Variants in SPTA1 observed in about 807,000 individuals in gnomAD.
SPTA1 encodes spectrin alpha, erythrocytic 1.
SPTA1 carries 177 observed loss-of-function variants against 324.7 expected under a neutral mutation model. The ratio of observed to expected loss-of-function variants is 0.55; its 90% CI spans 0.48 to 0.62. The LOEUF is 0.62. Ranked by LOEUF, SPTA1 falls within the 20% of genes least tolerant of loss-of-function variation. The probability of loss-of-function intolerance (pLI) is 0.00; values close to 1 mark genes in which losing one functional copy is unlikely to be tolerated. For synonymous variants in SPTA1, 1,195 were observed against 1,041.3 expected (o/e 1.15, Z -2.84); for missense variants, 3,162 against 2,883.6 (o/e 1.10, Z -2.21).
intron 10 of SPTA1, 93 bp downstream of exon 10, chr1:158,674,236 C>T (rs2101923128): frequency 1.6e-6 from 2 of 1,286,458 alleles, no homozygotes. Context: ...GACTTCTATT[C>T]TTTTCCCATT....
chr1:158,642,375 G>C (rs946479376), intron 33 of SPTA1, 36 bp downstream of exon 33: 1 of 1,606,780 alleles, frequency 6.2e-7, no homozygotes, highest in Non-Finnish European at 8.5e-7. Flanking sequence ...TCCTCTTCAT[G>C]TGACTTTGTA....
rs1443490977 is a variant in SPTA1, at chr1:158,672,139, G to A, written c.1408C>T (p.Arg470Cys). 11 of 1,613,912 alleles carry A rather than the reference G, an allele frequency of 6.8e-6. No homozygotes were observed. Among genetic ancestry groups the A allele is most frequent in the East Asian group, 2.2e-5 (1 of 44,884 alleles). The part of the protein sequence containing the change: ...ALLELWDERH[R>C]QYEQCLDFHL... ...AAGTCCAAGCACTGCTCATACTGAC[G>A]ATGACGCTCGTCCCACAGTTCCAGC... Residue 470 changes from arginine to cysteine, a missense_variant, in exon 11 of 52, where the codon CGT becomes TGT. By Grantham distance (180) the Arg-to-Cys change is radical (BLOSUM62 -3). Coordinates refer to ENST00000643759, the MANE Select transcript of SPTA1 (RefSeq NM_003126.4).
At chr1:158,616,364 A>G (rs1246549032) in intron 47 of SPTA1, among the ~76,000 whole-genome samples, 2 of 152,108 alleles carry the variant, frequency 1.3e-5, no homozygotes, top group African/African-American at 4.8e-5. Context: ...ATCAAACTGT[A>G]TATTTATACC....
chr1:158,631,300 G>A (rs1235332372), intron 39 of SPTA1, among the ~76,000 whole-genome samples: 1 of 152,158 alleles, frequency 6.6e-6, no homozygotes, highest in African/African-American at 2.4e-5. Flanking sequence ...AAATAATGGC[G>A]TTTGCAGCGA....
intron 2 of SPTA1, among the ~76,000 whole-genome samples, chr1:158,683,814 G>C (rs1019877038): frequency 6.7e-6 from 1 of 149,208 alleles, no homozygotes; most frequent in Non-Finnish European, 1.5e-5. Context: ...AGAGCACAAT[G>C]AGAAAGATGA....
Position 158,620,128 on chromosome 1 carries a change from T to C in SPTA1, c.6417+42A>G, listed in dbSNP as rs374395075. On this transcript the variant is annotated intron_variant, in intron 44 of 51. Coordinates refer to ENST00000643759, the MANE Select transcript of SPTA1 (RefSeq NM_003126.4). ...TTACTTGGATAATAAAGTGGTTATG[T>C]TCACTGTAGTGAAAGGAAGTTTCTG... The C allele has an allele frequency of 3.1e-6, 5 of 1,611,774 alleles. No individual in the cohort carries two copies. The African/African-American group carries it at 5.3e-5, about 17-fold the overall frequency.
In SPTA1 at chr1:158,612,905, T is replaced by G; in HGVS notation, c.7046A>C (p.Glu2349Ala). 1.2e-6 allele frequency: 2 copies of G among 1,613,978 alleles called. No individual in the cohort carries two copies. The highest frequency in any genetic ancestry group is 1.7e-6 in the Non-Finnish European group (2 of 1,179,904). The change falls in exon 51 of 52, where the codon GAA (glutamate) becomes GCA (alanine). Residue 2349 changes from glutamate (E) to alanine (A), a missense_variant. Coordinates refer to ENST00000643759, the MANE Select transcript of SPTA1 (RefSeq NM_003126.4). ...YTAFLIDKES[E>A]NIKSSDEIEN... is the part of the protein sequence containing the mutation. Reference sequence around the variant, plus strand: ...TATTTCATCACTGGACTTGATGTTTTCTGACTCCTTGTCAATCAGGAAAGC... The same window carrying G: ...TATTTCATCACTGGACTTGATGTTTGCTGACTCCTTGTCAATCAGGAAAGC...
At position 158,653,366 on chromosome 1, in the gene SPTA1, T is replaced by A; in HGVS notation, c.3096A>T (p.Arg1032Ser). Reference sequence around the variant, plus strand: ...TCGGGAACTCATCGTGGGCCAGTCTTCTGACATAGACAGCTGGGACAATGC... The same window carrying A: ...TCGGGAACTCATCGTGGGCCAGTCTACTGACATAGACAGCTGGGACAATGC... ...HQGIVPAVYV[R>S]RLAHDEFPML... is the part of the protein sequence containing the mutation. Residue 1032 changes from arginine to serine, a missense_variant, in exon 22 of 52, where the codon AGA becomes AGT. Arg to Ser is a moderately radical substitution (Grantham distance 110). Coordinates refer to ENST00000643759, the MANE Select transcript of SPTA1 (RefSeq NM_003126.4). 6.2e-7 allele frequency: 1 copy of A among 1,614,114 alleles called. No individual in the cohort carries two copies. The highest frequency in any genetic ancestry group is 1.1e-5 in the South Asian group (1 of 91,062).
At chr1:158,667,299 A>C (rs926011089) in intron 15 of SPTA1, among the ~76,000 whole-genome samples, 1 of 152,212 alleles carries the variant, frequency 6.6e-6, no homozygotes, top group African/African-American at 2.4e-5. Context: ...AATTTTCCAA[A>C]GTAAAGGGTA....
Position 158,644,245 on chromosome 1 carries a change from A to C in SPTA1, c.4338+8T>G. The C allele has an allele frequency of 6.2e-7, 1 of 1,613,656 alleles. No individual in the cohort carries two copies. The highest frequency in any genetic ancestry group is 8.5e-7 in the Non-Finnish European group (1 of 1,179,802). On this transcript the variant is annotated splice_region_variant and intron_variant, in intron 30 of 51. Transcript: ENST00000643759. Reference sequence around the variant, plus strand: ...TATTATTTTAATTCCTTTACTAGTCATTATTACCTGGGCAGTGATTGCTTT... The same window carrying C: ...TATTATTTTAATTCCTTTACTAGTCCTTATTACCTGGGCAGTGATTGCTTT...
In SPTA1 at chr1:158,617,953, A is replaced by G. The variant is rs1452822534; in HGVS notation, c.6548+86T>C. 6 of 1,287,646 alleles carry G rather than the reference A, an allele frequency of 4.7e-6. No homozygotes were observed. In the Admixed American group the frequency reaches 8.5e-5, roughly 18 times the overall value. 79.8% of individuals were successfully genotyped at this position (1,287,646 alleles called of 1,614,324 possible). ...CATACTACCAGATTACAATGGAATGAAAATGTCTCAGCACTAACTCTTTCT... is the reference window on the plus strand; with the variant it reads ...CATACTACCAGATTACAATGGAATGGAAATGTCTCAGCACTAACTCTTTCT... On this transcript the variant is annotated intron_variant, in intron 46 of 51. Coordinates refer to ENST00000643759, the MANE Select transcript of SPTA1 (RefSeq NM_003126.4).
At chr1:158,666,927 G>A (rs983113587) in intron 15 of SPTA1, among the ~76,000 whole-genome samples, 4 of 152,086 alleles carry the variant, frequency 2.6e-5, no homozygotes, top group Non-Finnish European at 4.4e-5. Flanking sequence ...ACTGAACTTC[G>A]CTTTCCCCCC....
intron 47 of SPTA1, among the ~76,000 whole-genome samples, chr1:158,615,979 C>T (rs1571372242): frequency 2.0e-5 from 3 of 152,240 alleles, no homozygotes; most frequent in South Asian, 2.1e-4. Flanking sequence ...CCCATGCTTT[C>T]TCAGTGAGGG....
chr1:158,623,773 G>C (rs1225092424), intron 42 of SPTA1, among the ~76,000 whole-genome samples: 4 of 152,210 alleles, frequency 2.6e-5, no homozygotes, highest in Admixed American at 2.6e-4. Context: ...TTAGCAGTGT[G>C]AGAACAGACT....
intron 32 of SPTA1, 44 bp from the exon 33 acceptor site, chr1:158,642,586 T>C (rs1651686953): frequency 1.2e-6 from 2 of 1,610,086 alleles, no homozygotes; most frequent in Non-Finnish European, 1.7e-6. Context: ...TTTTTATTTA[T>C]GGTGACAAGA....
chr1:158,672,921 A>T (rs1654126307), intron 10 of SPTA1, among the ~76,000 whole-genome samples: 2 of 149,668 alleles, frequency 1.3e-5, no homozygotes, highest in Admixed American at 1.3e-4. Flanking sequence ...ACACGGTGAA[A>T]CCCGGTTTCT....
intron 25 of SPTA1, among the ~76,000 whole-genome samples, chr1:158,649,330 G>T (rs749521744): frequency 2.0e-5 from 3 of 152,196 alleles, no homozygotes; most frequent in Non-Finnish European, 4.4e-5. Flanking sequence ...CAATAGGCTG[G>T]AGTGCAATGG....
At position 158,657,472 on chromosome 1, in the gene SPTA1, C is replaced by A; in HGVS notation, c.2805+5G>T. On this transcript the variant is annotated splice_donor_5th_base_variant and intron_variant, in intron 19 of 51. Transcript: ENST00000643759. ...TTCACAATGTTAAACCCACCCCCAC[C>A]TTACCCCAGCTGCTTCTTCATCAGC... 1.3e-6 allele frequency: 2 copies of A among 1,569,426 alleles called. No homozygotes were observed. Among genetic ancestry groups the A allele is most frequent in the South Asian group, 2.2e-5 (2 of 90,128 alleles).
rs200803226 is a variant in SPTA1 at position 158,654,781 on chromosome 1, G to T, written c.2899-33C>A. On this transcript the variant is annotated intron_variant, in intron 20 of 51. Coordinates refer to ENST00000643759, the MANE Select transcript of SPTA1 (RefSeq NM_003126.4). Reference sequence around the variant, plus strand: ...AAAACAGGAAGCAGGTGTCAGTCACGCACTGGAAATATCTCCCTGTACAGC... The same window carrying T: ...AAAACAGGAAGCAGGTGTCAGTCACTCACTGGAAATATCTCCCTGTACAGC... The T allele has an allele frequency of 1.9e-6, 3 of 1,611,248 alleles. 1 individual carries two copies. Among genetic ancestry groups the T allele is most frequent in the Non-Finnish European group, 2.5e-6 (3 of 1,179,710 alleles).
Sources: gnomAD v4.1 joint callset for allele counts (sites outside exome capture counted in the v4.1 genomes callset) on GRCh38, gnomAD v4.1.1 for gene constraint, MANE v1.5 for transcripts, NCBI Gene and HGNC (gene_info 2026-07-23, HGNC 2026-07-21) for gene names.